TNXB: variants seen among roughly 807,000 people sequenced by gnomAD.
TNXB encodes the protein tenascin XB, also known as tenascin-X.
TNXB carries 183 observed loss-of-function variants against 340.5 expected under a neutral mutation model. That is an observed-to-expected ratio of 0.54 (90% CI 0.48 to 0.61). The LOEUF (loss-of-function observed/expected upper bound fraction) is 0.61. Among genes scored for constraint, TNXB ranks in the 20% least tolerant of loss-of-function variants. The pLI is 0.00. For synonymous variants in TNXB, 2,121 were observed against 2,314.5 expected (o/e 0.92, Z 2.40); for missense variants, 4,613 against 5,446.4 (o/e 0.85, Z 4.82).
At chr6:32,109,084 C>T (rs2127314594) in intron 1 of TNXB, 97 bp downstream of exon 1, 1 of 152,706 alleles carries the variant, frequency 6.5e-6, no homozygotes, top group South Asian at 2.1e-4. Context: ...GGAAGCACTG[C>T]TGAGAGCTCA....
Position 32,067,927 on chromosome 6 carries a change from G to A in TNXB, c.6278C>T (p.Ala2093Val). ...TEPSMEAPEP[A>V]EEPLLGELTV... ...TAGCTCCCCCAGGAGCGGCTCCTCAGCGGGCTCCGGGGCCTCCATGCTGGG... is the reference window on the plus strand; with the variant it reads ...TAGCTCCCCCAGGAGCGGCTCCTCAACGGGCTCCGGGGCCTCCATGCTGGG... Residue 2093 changes from alanine (A) to valine (V), a missense_variant, in exon 18 of 44, where the codon GCT becomes GTT. This residue lies in a region of TNXB where 4,327 missense variants were observed against 4,859.4 expected (regional missense o/e 0.89). Transcript: ENST00000644971. The surrounding 1 kb of genome is among the most constrained non-coding windows in gnomAD (Gnocchi z 4.2). The A allele has an allele frequency of 6.2e-7, 1 of 1,612,598 alleles. No individual in the cohort carries two copies. The highest frequency in any genetic ancestry group is 8.5e-7 in the Non-Finnish European group (1 of 1,179,882).
At position 32,082,026 on chromosome 6, in the gene TNXB, T is replaced by C. The variant is rs1779484729; in HGVS notation, c.3736+10A>G. ...GGGGTCACATGGGGGCTGAGGTGGC[T>C]GCTACTCACCAGTGGTGCCATCGGC... On this transcript the variant is annotated intron_variant, in intron 9 of 43. Transcript: ENST00000644971. The surrounding 1 kb of genome is among the most constrained non-coding windows in gnomAD (Gnocchi z 5.0). 6.3e-7 allele frequency: 1 copy of C among 1,596,646 alleles called. No homozygotes were observed. Among genetic ancestry groups the C allele is most frequent in the East Asian group, 2.3e-5 (1 of 44,430 alleles).
At chr6:32,078,077 A>G (rs868715428) in intron 11 of TNXB, among the ~76,000 whole-genome samples, 1 of 49,020 alleles carries the variant, frequency 2.0e-5, no homozygotes, top group Non-Finnish European at 4.0e-5. Flanking sequence ...AAGAAAGAGA[A>G]AGAAAGAAAG....
At position 32,067,695 on chromosome 6, in the gene TNXB, C is replaced by T. The variant is rs753021206; in HGVS notation, c.6510G>A (p.Arg2170=). ...KMHLYGLHEG[R]RVGPVSAVGV... is the part of the protein sequence containing the mutation. ...CCACAGCAGACACTGGGCCCACGCG[C>T]CGCCCCTCGTGGAGGCCGTACAGGT... The change falls in exon 18 of 44, where the codon CGG becomes CGA. Residue 2170 remains arginine (R), a synonymous_variant. Coordinates refer to ENST00000644971, the MANE Select transcript of TNXB (RefSeq NM_001365276.2). This position sits in a 1 kb window ranked among gnomAD's most constrained non-coding sequence, Gnocchi z 4.2. 1.9e-6 allele frequency: 3 copies of T among 1,613,774 alleles called. No homozygotes were observed. Among genetic ancestry groups the T allele is most frequent in the South Asian group, 1.1e-5 (1 of 91,072 alleles).
In TNXB at chr6:32,073,363, G is replaced by C. The variant is rs567756661; in HGVS notation, c.4681+284C>G. Reference sequence around the variant, plus strand: ...CTGTGGGCAGTCGGAGAGGGGGAGAGAAAGTCTGTGGCTGGATTTAGGCCA... The same window carrying C: ...CTGTGGGCAGTCGGAGAGGGGGAGACAAAGTCTGTGGCTGGATTTAGGCCA... On this transcript the variant is annotated intron_variant, in intron 12 of 43. Coordinates refer to ENST00000644971, the MANE Select transcript of TNXB (RefSeq NM_001365276.2). This position sits in a 1 kb window ranked among gnomAD's most constrained non-coding sequence, Gnocchi z 4.6. 2.8e-4 allele frequency among the ~76,000 whole-genome samples: 42 copies of C among 152,336 alleles called. No homozygotes were observed. Among genetic ancestry groups the C allele is most frequent in the African/African-American group, 9.4e-4 (39 of 41,572 alleles).
rs547119132 is a variant in TNXB, at chr6:32,085,616, C to G, written c.3148+134G>C. The G allele has an allele frequency of 9.6e-7, 1 of 1,040,950 alleles. No homozygotes were observed. The highest frequency in any genetic ancestry group is 1.3e-6 in the Non-Finnish European group (1 of 775,076). 64.5% of individuals were successfully genotyped at this position (1,040,950 alleles called of 1,614,324 possible). ...CCTGCAATTCCTTTTCTCTCCTTTT[C>G]TCCTCTATCCAGCCCCAAACATCAG... is the stretch of plus-strand genomic sequence containing the variant. On this transcript the variant is annotated intron_variant, in intron 7 of 43. Transcript: ENST00000644971. The surrounding 1 kb of genome is among the most constrained non-coding windows in gnomAD (Gnocchi z 6.4).
intron 4 of TNXB, among the ~76,000 whole-genome samples, chr6:32,091,353 A>AC (rs988623915): frequency 1.1e-4 from 17 of 151,756 alleles, no homozygotes; most frequent in African/African-American, 4.1e-4. Context: ...CAGGTGATCC[A>AC]CCCACCTCAG....
Position 32,074,425 on chromosome 6 carries a change from G to GT in TNXB, c.4376-474dup, listed in dbSNP as rs1411008039. The stretch of plus-strand genomic sequence containing the variant: ...CAGTCCTTCACTAGGTCCCTGCTCG[G>GT]TGTCTGAGGCTGCATTTGTTGGGGG... On this transcript the variant is annotated intron_variant, in intron 11 of 43. Coordinates refer to ENST00000644971, the MANE Select transcript of TNXB (RefSeq NM_001365276.2). The surrounding 1 kb of genome is among the most constrained non-coding windows in gnomAD (Gnocchi z 5.5). Among the ~76,000 whole-genome samples the GT allele has an allele frequency of 6.6e-6, 1 of 152,228 alleles. No homozygotes were observed. Among genetic ancestry groups the GT allele is most frequent in the African/African-American group, 2.4e-5 (1 of 41,446 alleles).
chr6:32,068,553 G>A lies in TNXB; in HGVS notation c.6057C>T (p.Val2019=). The change falls in exon 17 of 44, where the codon GTC becomes GTT. Residue 2019 remains valine, a synonymous_variant. Transcript: ENST00000644971. The surrounding 1 kb of genome is among the most constrained non-coding windows in gnomAD (Gnocchi z 5.3). ...GCTGCCCATCTCCATTCCTGTACTGGACCAGGAAGTGGTCAAACTGTCCCT... is the reference window on the plus strand; with the variant it reads ...GCTGCCCATCTCCATTCCTGTACTGAACCAGGAAGTGGTCAAACTGTCCCT... ...VPEGQFDHFL[V]QYRNGDGQPK... 1 of 1,614,008 alleles carries A rather than the reference G, an allele frequency of 6.2e-7. No individual in the cohort carries two copies. The highest frequency in any genetic ancestry group is 8.5e-7 in the Non-Finnish European group (1 of 1,179,910).
chr6:32,079,130 G>A lies in TNXB; in HGVS notation c.4278C>T (p.Thr1426=), dbSNP rs375254727. The A allele has an allele frequency of 6.8e-5, 110 of 1,613,800 alleles. No individual in the cohort carries two copies. In the East Asian group the frequency reaches 1.8e-3, roughly 27 times the overall value. Residue 1426 remains threonine (T), a synonymous_variant, in exon 11 of 44, where the codon ACC becomes ACT. Transcript: ENST00000644971. The surrounding 1 kb of genome is among the most constrained non-coding windows in gnomAD (Gnocchi z 7.1). ...TGTGCCCGGGCTCTAGGCCTCCCACGGTGACCTCACTCTCCTTGCCCCCAA... is the reference window on the plus strand; with the variant it reads ...TGTGCCCGGGCTCTAGGCCTCCCACAGTGACCTCACTCTCCTTGCCCCCAA... ...VRVGGKESEV[T]VGGLEPGHKY... is the part of the protein sequence containing the mutation.
At chr6:32,078,097 AAGAAAG>A (rs1219755116) in intron 11 of TNXB, among the ~76,000 whole-genome samples, 1,710 of 146,080 alleles carry the variant, frequency 0.012, 21 homozygotes, top group Non-Finnish European at 0.017. Context: ...GAAAGAAAGA[AAGAAAG>A]AAAGAAAGAA....
chr6:32,071,835 G>C (rs955697491), intron 13 of TNXB, among the ~76,000 whole-genome samples, 155 bp downstream of exon 13: 7 of 152,188 alleles, frequency 4.6e-5, no homozygotes, highest in Non-Finnish European at 1.0e-4. Context: ...GACTCCCAAA[G>C]TGCTGGGATT....
Position 32,047,154 on chromosome 6 carries a change from T to C in TNXB, c.10324+580A>G, listed in dbSNP as rs371980159. On this transcript the variant is annotated intron_variant, in intron 30 of 43. Transcript: ENST00000644971. The surrounding 1 kb of genome is among the most constrained non-coding windows in gnomAD (Gnocchi z 6.2). ...AGGGTTTGGGAAGAGAATTACGGAG[T>C]CCCAGGGACCCAGGCCCAGACTGGC... Among the ~76,000 whole-genome samples the C allele has an allele frequency of 6.6e-6, 1 of 152,094 alleles. No individual in the cohort carries two copies. The highest frequency in any genetic ancestry group is 1.9e-4 in the East Asian group (1 of 5,166).
At position 32,072,082 on chromosome 6, in the gene TNXB, G is replaced by A. The variant is rs1778806523; in HGVS notation, c.4898C>T (p.Pro1633Leu). The A allele has an allele frequency of 1.2e-6, 2 of 1,613,094 alleles. No homozygotes were observed. The highest frequency in any genetic ancestry group is 2.2e-5 in the East Asian group (1 of 44,884). ...GTACTTGCGGGAGGGTTCCAGGTCA[G>A]GGATAGTGACCTCCCGCTGATCTGC... The part of the protein sequence containing the change: ...VAADQREVTI[P>L]DLEPSRKYKF... The change falls in exon 13 of 44, where the codon CCT becomes CTT. Residue 1633 changes from proline to leucine, a missense_variant. Physicochemically the swap from Pro to Leu is moderately conservative, Grantham distance 98 (BLOSUM62 -3). This residue lies in a region of TNXB where 4,327 missense variants were observed against 4,859.4 expected (regional missense o/e 0.89). Coordinates refer to ENST00000644971, the MANE Select transcript of TNXB (RefSeq NM_001365276.2). This position sits in a 1 kb window ranked among gnomAD's most constrained non-coding sequence, Gnocchi z 4.4.
intron 1 of TNXB, among the ~76,000 whole-genome samples, chr6:32,101,329 G>A (rs1780710521): frequency 6.6e-6 from 1 of 151,864 alleles, no homozygotes; most frequent in South Asian, 2.1e-4. Flanking sequence ...TTGCTCTTTC[G>A]CCCAGGCTGG....
intron 21 of TNXB, among the ~76,000 whole-genome samples, chr6:32,059,280 G>A (rs536996419): frequency 4.6e-5 from 7 of 151,328 alleles, no homozygotes; most frequent in African/African-American, 7.4e-5. Context: ...TTAGCCAGGC[G>A]TGGTGGCATG....
chr6:32,042,233 TC>T, intron 41 of TNXB, 32 bp downstream of exon 41: 1 of 939,186 alleles, frequency 1.1e-6, no homozygotes, highest in African/African-American at 2.1e-5. Flanking sequence ...CCCATCCCCA[TC>T]CGTAGTTCCC....
Position 32,070,302 on chromosome 6 carries a change from G to T in TNXB, c.5103C>A (p.Phe1701Leu), listed in dbSNP as rs201360247. The T allele has an allele frequency of 5.5e-4, 893 of 1,612,052 alleles. 1 individual carries two copies. The highest frequency in any genetic ancestry group is 4.0e-4 in the Non-Finnish European group (472 of 1,179,198). Reference sequence around the variant, plus strand: ...CCTTGAACTGGACCACAAAAGAGTCGAACTGGCCCTCAGGAACCGTCCAGG... The same window carrying T: ...CCTTGAACTGGACCACAAAAGAGTCTAACTGGCCCTCAGGAACCGTCCAGG... ...RLSWTVPEGQ[F>L]DSFVVQFKDK... Residue 1701 changes from phenylalanine (F) to leucine (L), a missense_variant, in exon 14 of 44, where the codon TTC becomes TTA. Physicochemically the swap from Phe to Leu is conservative, Grantham distance 22. Transcript: ENST00000644971. The surrounding 1 kb of genome is among the most constrained non-coding windows in gnomAD (Gnocchi z 6.0).
In TNXB at chr6:32,084,744, A is replaced by T; in HGVS notation, c.3149-35T>A. 6.7e-7 allele frequency: 1 copy of T among 1,503,022 alleles called. No homozygotes were observed. Among genetic ancestry groups the T allele is most frequent in the Non-Finnish European group, 8.9e-7 (1 of 1,121,586 alleles). The allele number at this position is 1,503,022 out of a possible 1,614,324, so 93.1% of individuals were successfully genotyped here. A position where few individuals can be genotyped will look rare whatever the true frequency, so the allele number is the denominator to read the frequency against. On this transcript the variant is annotated intron_variant, in intron 7 of 43. Transcript: ENST00000644971. This position sits in a 1 kb window ranked among gnomAD's most constrained non-coding sequence, Gnocchi z 5.5. ...GAGAGGCAAAAGCAAAGCATAGTGG[A>T]CTCAACCGTTCTCTTGTCTGTGTCT...
Sources: allele counts gnomAD v4.1 joint callset (sites outside exome capture counted in the v4.1 genomes callset), GRCh38; gene constraint gnomAD v4.1.1; regional missense constraint gnomAD v4.1.1; non-coding constraint Gnocchi (gnomAD v3.1); transcripts MANE v1.5; gene names NCBI Gene and HGNC (gene_info 2026-07-23, HGNC 2026-07-21).